The following DIS3L2 variants were observed in gnomAD, a reference collection of about 807,000 sequenced individuals.
DIS3L2 encodes the protein DIS3-like exonuclease 2.
A neutral mutation model predicts 97.5 loss-of-function variants in DIS3L2; 34 were observed. The observed-to-expected ratio is 0.35, with a 90% CI of 0.27 to 0.46. The LOEUF (loss-of-function observed/expected upper bound fraction) is 0.46. DIS3L2 is among the 20% of genes least tolerant of loss of function. The pLI is 1.00. For missense variants in DIS3L2, 1,038 were observed against 1,146.0 expected, an observed-to-expected ratio of 0.91 and a Z score of 1.36; for synonymous variants, 435 against 445.2, an observed-to-expected ratio of 0.98 and a Z score of 0.29.
At chr2:231,973,103 TC>T (rs1692970467) in intron 1 of DIS3L2, among the ~76,000 whole-genome samples, 1 of 152,232 alleles carries the variant, frequency 6.6e-6, no homozygotes, top group Non-Finnish European at 1.5e-5. Flanking sequence ...TGGTATAGTT[TC>T]CTTAAATGTT....
chr2:232,136,592 G>GTGCCTAGAA lies in DIS3L2; in HGVS notation c.825_833dup (p.Arg277_Ile278insMetProArg). 1 of 1,614,028 alleles carries GTGCCTAGAA rather than the reference G, an allele frequency of 6.2e-7. No homozygotes were observed. Among genetic ancestry groups the GTGCCTAGAA allele is most frequent in the Non-Finnish European group, 8.5e-7 (1 of 1,179,972 alleles). On this transcript the variant is annotated inframe_insertion, in exon 8 of 21. Coordinates refer to ENST00000325385, the MANE Select transcript of DIS3L2 (RefSeq NM_152383.5). ...CCTGTTTTCTCCCTCAGACCACCGA[G>GTGCCTAGAA]TGCCTAGAATTTATGTGCCTCTCAA...
At chr2:232,229,490 C>T (rs1692735423) in intron 10 of DIS3L2, among the ~76,000 whole-genome samples, 2 of 152,226 alleles carry the variant, frequency 1.3e-5, no homozygotes, top group Non-Finnish European at 2.9e-5. Context: ...ACCGGCTGAC[C>T]TGGGCTTTCC....
intron 13 of DIS3L2, among the ~76,000 whole-genome samples, chr2:232,287,795 C>T (rs1694486488): frequency 6.6e-6 from 1 of 152,180 alleles, no homozygotes. Flanking sequence ...TTAAACTTCA[C>T]AATACGCGTG....
intron 1 of DIS3L2, among the ~76,000 whole-genome samples, chr2:231,992,363 C>T (rs1287535006): frequency 1.3e-5 from 2 of 152,096 alleles, no homozygotes; most frequent in African/African-American, 2.4e-5. Context: ...CCAAAATGCA[C>T]CTGTCCCCAG....
At chr2:232,337,848 A>G (rs1200612787), downstream of DIS3L2, among the ~76,000 whole-genome samples, 1 of 151,452 alleles carries the variant, frequency 6.6e-6, no homozygotes, top group East Asian at 1.9e-4. Flanking sequence ...CCACCGTCAG[A>G]CGGGGCTGGC....
rs2106232274 is a variant in DIS3L2 at position 232,023,875 on chromosome 2, AG to A, written c.211-400del. Among the ~76,000 whole-genome samples the A allele has an allele frequency of 2.0e-5, 3 of 148,262 alleles. No homozygotes were observed. The South Asian group carries it at 6.3e-4, about 31-fold the overall frequency. Reference sequence around the variant, plus strand: ...GTCACAGAAACAAGCAATTGTGGAAAGGTCTTGGAACTGGGAGAAAAAAAAG... The same window carrying A: ...GTCACAGAAACAAGCAATTGTGGAAAGTCTTGGAACTGGGAGAAAAAAAAG... On this transcript the variant is annotated intron_variant, in intron 3 of 20. Coordinates refer to ENST00000325385, the MANE Select transcript of DIS3L2 (RefSeq NM_152383.5).
intron 14 of DIS3L2, among the ~76,000 whole-genome samples, chr2:232,300,591 G>A (rs1694829076): frequency 6.6e-6 from 1 of 150,508 alleles, no homozygotes; most frequent in African/African-American, 2.5e-5. Flanking sequence ...TGGTGCCCTT[G>A]TTGGAAAGGT....
chr2:232,226,797 C>T (rs1316702360), intron 10 of DIS3L2, among the ~76,000 whole-genome samples: 6 of 152,200 alleles, frequency 3.9e-5, no homozygotes, highest in South Asian at 4.2e-4. Context: ...AGTGAGACCC[C>T]GTCTCTACAA....
At chr2:232,105,105 AC>A (rs557886105) in intron 6 of DIS3L2, among the ~76,000 whole-genome samples, 117 of 152,344 alleles carry the variant, frequency 7.7e-4, no homozygotes, top group Non-Finnish European at 2.9e-5. Flanking sequence ...GATGTGAGCC[AC>A]CATGCCCAGC....
chr2:232,327,592 A>G (rs1165797049), intron 14 of DIS3L2, among the ~76,000 whole-genome samples: 3 of 152,230 alleles, frequency 2.0e-5, no homozygotes, highest in Non-Finnish European at 1.5e-5. Flanking sequence ...TGGGTTCACA[A>G]TATCTTATTA....
rs113366427 is a variant in DIS3L2, at chr2:232,157,218, A to C, written c.951-6241A>C. Reference sequence around the variant, plus strand: ...TCCCCAGAGGTACTAAAACCTTTCAACTGTAGAGATGAGCATTATGTAGGC... The same window carrying C: ...TCCCCAGAGGTACTAAAACCTTTCACCTGTAGAGATGAGCATTATGTAGGC... On this transcript the variant is annotated intron_variant, in intron 8 of 20. Transcript: ENST00000325385. Among the ~76,000 whole-genome samples, 8 of 152,158 alleles carry C rather than the reference A, an allele frequency of 5.3e-5. No homozygotes were observed. The East Asian group carries it at 5.8e-4, about 11-fold the overall frequency.
At chr2:232,263,094 C>G (rs565190144) in intron 12 of DIS3L2, 113 bp from the exon 13 acceptor site, 2 of 1,094,304 alleles carry the variant, frequency 1.8e-6, no homozygotes, top group Admixed American at 2.1e-5. Flanking sequence ...TCCGAGCACA[C>G]AGTCAGTGCT....
chr2:232,300,626 C>A (rs1005613662), intron 14 of DIS3L2, among the ~76,000 whole-genome samples: 14 of 151,228 alleles, frequency 9.3e-5, no homozygotes, highest in Non-Finnish European at 1.6e-4. Flanking sequence ...TTTCATAGCA[C>A]CTCCTTTCCA....
Position 232,116,890 on chromosome 2 carries a change from A to G in DIS3L2, c.602-13729A>G, listed in dbSNP as rs569808578. ...CCCAACTCAAAACATTAAAGAATGA[A>G]TATGCCACCCCTGTTCCTGTAAGTG... On this transcript the variant is annotated intron_variant, in intron 6 of 20. Coordinates refer to ENST00000325385, the MANE Select transcript of DIS3L2 (RefSeq NM_152383.5). Among the ~76,000 whole-genome samples the G allele has an allele frequency of 4.6e-5, 7 of 152,216 alleles. No homozygotes were observed. The South Asian group carries it at 1.4e-3, about 31-fold the overall frequency.
intron 7 of DIS3L2, among the ~76,000 whole-genome samples, chr2:232,132,990 C>T (rs920278731): frequency 6.6e-6 from 1 of 152,150 alleles, no homozygotes; most frequent in Non-Finnish European, 1.5e-5. Flanking sequence ...AATTTTGCTT[C>T]TTCACCCAGA....
chr2:232,336,861 A>C lies in DIS3L2; in HGVS notation c.*231A>C. 7.3e-7 allele frequency: 1 copy of C among 1,361,894 alleles called. No individual in the cohort carries two copies. The highest frequency in any genetic ancestry group is 9.4e-7 in the Non-Finnish European group (1 of 1,059,288). 84.4% of individuals were successfully genotyped at this position (1,361,894 alleles called of 1,614,324 possible). On this transcript the variant is annotated 3_prime_UTR_variant, in exon 21 of 21. Coordinates refer to ENST00000325385, the MANE Select transcript of DIS3L2 (RefSeq NM_152383.5). ...CAGTGACCCCAGCAGAGCAGGCCCC[A>C]GTCCTCCTGGGAGGCTGGCCCCCCT... is the stretch of plus-strand genomic sequence containing the variant.
intron 8 of DIS3L2, among the ~76,000 whole-genome samples, chr2:232,144,985 T>C (rs1190069927): frequency 6.6e-6 from 1 of 152,196 alleles, no homozygotes; most frequent in Non-Finnish European, 1.5e-5. Context: ...ATCACCTGGT[T>C]AAGGAGGCAT....
intron 1 of DIS3L2, among the ~76,000 whole-genome samples, chr2:231,973,259 C>T (rs563726003): frequency 4.7e-5 from 7 of 149,000 alleles, no homozygotes; most frequent in South Asian, 2.1e-4. Flanking sequence ...TCAGAAGATC[C>T]GTATGTATAT....
intron 6 of DIS3L2, among the ~76,000 whole-genome samples, chr2:232,109,179 C>T (rs572578070): frequency 6.6e-6 from 1 of 152,300 alleles, no homozygotes; most frequent in African/African-American, 2.4e-5. Flanking sequence ...CAGGCGGTGG[C>T]TCATGCCTGT....
Sources: gnomAD v4.1 joint callset for allele counts (sites outside exome capture counted in the v4.1 genomes callset) on GRCh38, gnomAD v4.1.1 for gene constraint, MANE v1.5 for transcripts, NCBI Gene and HGNC (gene_info 2026-07-23, HGNC 2026-07-21) for gene names.